TGM1: variants seen among roughly 807,000 people sequenced by gnomAD.
TGM1 encodes the protein protein-glutamine gamma-glutamyltransferase K.
Under a neutral mutation model 88.7 loss-of-function variants are expected in TGM1, and 63 were observed. The ratio of observed to expected loss-of-function variants is 0.71; its 90% CI spans 0.58 to 0.88. The LOEUF (loss-of-function observed/expected upper bound fraction) is 0.88, where lower values mean the gene tolerates loss of function less well. Among genes scored for constraint, TGM1 ranks in the 40% least tolerant of loss-of-function variants. The pLI is 0.00. For synonymous variants in TGM1, 415 were observed against 431.1 expected (o/e 0.96, Z 0.46); for missense variants, 996 against 1,118.0 (o/e 0.89, Z 1.56).
intron 9 of TGM1, among the ~76,000 whole-genome samples, chr14:24,257,495 G>A (rs1468808285): frequency 6.6e-6 from 1 of 152,206 alleles, no homozygotes; most frequent in Non-Finnish European, 1.5e-5. Context: ...GAACCTATCT[G>A]AGCCCTGATT....
At chr14:24,254,125 AG>A (rs1397488874) in intron 14 of TGM1, 26 bp downstream of exon 14, 8 of 1,601,072 alleles carry the variant, frequency 5.0e-6, no homozygotes, top group African/African-American at 1.3e-5. Flanking sequence ...GAGTGGAAGC[AG>A]GGGTAGGGGG....
chr14:24,260,176 C>A, intron 4 of TGM1, 118 bp from the exon 5 acceptor site: 1 of 1,029,268 alleles, frequency 9.7e-7, no homozygotes, highest in Non-Finnish European at 1.5e-6. Flanking sequence ...ATGCCCCTAG[C>A]CTGACAGGAC....
chr14:24,260,814 G>A (rs879564403), intron 3 of TGM1, 116 bp from the exon 4 acceptor site: 13 of 1,382,170 alleles, frequency 9.4e-6, no homozygotes, highest in East Asian at 4.8e-5. Context: ...ATGTCCCTAC[G>A]TTGGGCCATC....
intron 1 of TGM1, 113 bp from the exon 2 acceptor site, chr14:24,262,467 A>T: frequency 8.6e-7 from 1 of 1,158,618 alleles, no homozygotes; most frequent in Non-Finnish European, 1.2e-6. Context: ...AAACAATCCC[A>T]CCTTGGCCCA....
Position 24,259,721 on chromosome 14 carries a change from G to C in TGM1, c.967C>G (p.Arg323Gly). 3 of 1,611,226 alleles carry C rather than the reference G, an allele frequency of 1.9e-6. No homozygotes were observed. The highest frequency in any genetic ancestry group is 2.5e-6 in the Non-Finnish European group (3 of 1,178,956). Residue 323 changes from arginine (R) to glycine (G), a missense_variant, in exon 6 of 15, where the codon CGG becomes GGG. Arg to Gly is a moderately radical substitution (Grantham distance 125, BLOSUM62 -2). Coordinates refer to ENST00000206765, the MANE Select transcript of TGM1 (RefSeq NM_000359.3). This position sits in a 1 kb window ranked among gnomAD's most constrained non-coding sequence, Gnocchi z 5.7. ...GGRGDPVNVS[R>G]VISAMVNSLD... ...GTGCTCACCATGGCAGAGATGACCCGGGAGACATTGACTGGGTCTCCACGG... is the reference window on the plus strand; with the variant it reads ...GTGCTCACCATGGCAGAGATGACCCCGGAGACATTGACTGGGTCTCCACGG...
rs2040808876 is a variant in TGM1, at chr14:24,261,611, G to A, written c.508+84C>T. The A allele has an allele frequency of 2.8e-5, 43 of 1,528,430 alleles. 1 individual carries two copies. In the South Asian group the frequency reaches 4.6e-4, roughly 16 times the overall value. 94.7% of individuals were successfully genotyped at this position (1,528,430 alleles called of 1,614,324 possible). ...GAGGTGAGGAGTGGGGCAGGGAGGA[G>A]CCTAAAGACCTCTCTGACCCTAATG... is the stretch of plus-strand genomic sequence containing the variant. On this transcript the variant is annotated intron_variant, in intron 3 of 14. Coordinates refer to ENST00000206765, the MANE Select transcript of TGM1 (RefSeq NM_000359.3).
intron 14 of TGM1, among the ~76,000 whole-genome samples, chr14:24,252,615 C>T (rs2040711420): frequency 6.6e-6 from 1 of 152,232 alleles, no homozygotes; most frequent in South Asian, 2.1e-4. Flanking sequence ...TGTGACACAT[C>T]ATAGCATTCC....
chr14:24,260,003 C>T lies in TGM1; in HGVS notation c.813G>A (p.Glu271=). 6.2e-7 allele frequency: 1 copy of T among 1,614,218 alleles called. No homozygotes were observed. Among genetic ancestry groups the T allele is most frequent in the Non-Finnish European group, 8.5e-7 (1 of 1,180,050 alleles). ...CGGTCCCGTAGTAAATTCTCCCAGA[C>T]TCATTAAGAACATACTCCTGCCGCC... ...EDWRQEYVLN[E]SGRIYYGTEA... is the part of the protein sequence containing the mutation. The change falls in exon 5 of 15, where the codon GAG becomes GAA. Residue 271 remains glutamate, a synonymous_variant. Transcript: ENST00000206765.
In TGM1 at chr14:24,255,500, C is replaced by T. The variant is rs964446215; in HGVS notation, c.1509G>A (p.Val503=). 27 of 1,613,528 alleles carry T rather than the reference C, an allele frequency of 1.7e-5. No homozygotes were observed. The highest frequency in any genetic ancestry group is 2.1e-5 in the Non-Finnish European group (25 of 1,180,038). Reference sequence around the variant, plus strand: ...TGCCATCATCCTGCCGCTGCCAGTACACCTTGTCACTATTCACCTGTGGGG... The same window carrying T: ...TGCCATCATCCTGCCGCTGCCAGTATACCTTGTCACTATTCACCTGTGGGG... ...FIFAEVNSDK[V]YWQRQDDGSF... Residue 503 remains valine (V), a synonymous_variant, in exon 11 of 15, where the codon GTG becomes GTA. Coordinates refer to ENST00000206765, the MANE Select transcript of TGM1 (RefSeq NM_000359.3). The surrounding 1 kb of genome is among the most constrained non-coding windows in gnomAD (Gnocchi z 4.0).
chr14:24,260,719 T>A, intron 3 of TGM1, 21 bp from the exon 4 acceptor site: 1 of 1,613,996 alleles, frequency 6.2e-7, no homozygotes, highest in Middle Eastern at 1.6e-4. Flanking sequence ...AAATCAGCAA[T>A]TAGCTGGCAA....
chr14:24,259,644 G>T lies in TGM1; in HGVS notation c.984+60C>A. 1 of 1,382,984 alleles carries T rather than the reference G, an allele frequency of 7.2e-7. No homozygotes were observed. Among genetic ancestry groups the T allele is most frequent in the Non-Finnish European group, 1.0e-6 (1 of 989,436 alleles). The allele number at this position is 1,382,984 out of a possible 1,614,324, so 85.7% of individuals were successfully genotyped here. Reference sequence around the variant, plus strand: ...ATCCAGAAAGGGCAGGAGGAGGGTGGGGGTGTGGCGAGGCAGCAGGCACAC... The same window carrying T: ...ATCCAGAAAGGGCAGGAGGAGGGTGTGGGTGTGGCGAGGCAGCAGGCACAC... On this transcript the variant is annotated intron_variant, in intron 6 of 14. Coordinates refer to ENST00000206765, the MANE Select transcript of TGM1 (RefSeq NM_000359.3). This position sits in a 1 kb window ranked among gnomAD's most constrained non-coding sequence, Gnocchi z 5.7.
intron 14 of TGM1, 146 bp downstream of exon 14, chr14:24,254,006 A>G: frequency 9.2e-7 from 1 of 1,092,528 alleles, no homozygotes. Flanking sequence ...CTGGGCCGGG[A>G]GGTATTGCTA....
intron 7 of TGM1, 123 bp downstream of exon 7, chr14:24,258,952 C>T: frequency 1.7e-6 from 2 of 1,153,374 alleles, no homozygotes; most frequent in South Asian, 2.6e-5. Context: ...TTAAGGCCAG[C>T]CTATTACCCA....
Position 24,259,823 on chromosome 14 carries a change from G to A in TGM1, c.877-12C>T, listed in dbSNP as rs2040791955. 1.2e-6 allele frequency: 2 copies of A among 1,612,572 alleles called. No individual in the cohort carries two copies. On this transcript the variant is annotated splice_polypyrimidine_tract_variant and intron_variant, in intron 5 of 14. Coordinates refer to ENST00000206765, the MANE Select transcript of TGM1 (RefSeq NM_000359.3). The surrounding 1 kb of genome is among the most constrained non-coding windows in gnomAD (Gnocchi z 5.7). ...ACCCCGTGGTCAAACTGGAAGGAGG[G>A]ATGGAGGGCAGAGGTGACAGCCTGA...
At chr14:24,252,784 C>A (rs927684074) in intron 14 of TGM1, among the ~76,000 whole-genome samples, 3 of 152,212 alleles carry the variant, frequency 2.0e-5, no homozygotes, top group Admixed American at 1.3e-4. Context: ...TTCCCCACCC[C>A]AAGCCATTGT....
chr14:24,254,348 G>A (rs548391940), intron 13 of TGM1, 60 bp from the exon 14 acceptor site: 45 of 1,611,534 alleles, frequency 2.8e-5, no homozygotes, highest in Middle Eastern at 1.7e-4. Flanking sequence ...CACGGGGACC[G>A]TACACTGCAC....
chr14:24,255,652 C>A lies in TGM1; in HGVS notation c.1492-135G>T. On this transcript the variant is annotated intron_variant, in intron 10 of 14. Transcript: ENST00000206765. This position sits in a 1 kb window ranked among gnomAD's most constrained non-coding sequence, Gnocchi z 4.0. The stretch of plus-strand genomic sequence containing the variant: ...CAAGGGTGGGAGCTTCCTGGCAGAG[C>A]CCAAGGGGAGACTTTCCAAGACGAG... 1 of 1,225,286 alleles carries A rather than the reference C, an allele frequency of 8.2e-7. No individual in the cohort carries two copies. The highest frequency in any genetic ancestry group is 1.5e-5 in the African/African-American group (1 of 67,428). 75.9% of individuals were successfully genotyped at this position (1,225,286 alleles called of 1,614,324 possible).
At chr14:24,253,998 G>T in intron 14 of TGM1, 154 bp downstream of exon 14, 1 of 1,023,622 alleles carries the variant, frequency 9.8e-7, no homozygotes, top group Non-Finnish European at 1.5e-6. Context: ...GGACTGAGCT[G>T]GGCCGGGAGG....
rs2040794617 is a variant in TGM1 at position 24,260,014 on chromosome 14, C to T, written c.802G>A (p.Val268Ile). ...TAAATTCTCCCAGACTCATTAAGAACATACTCCTGCCGCCAATCCTCATGG... is the reference window on the plus strand; with the variant it reads ...TAAATTCTCCCAGACTCATTAAGAATATACTCCTGCCGCCAATCCTCATGG... ...VDHEDWRQEY[V>I]LNESGRIYYG... The change falls in exon 5 of 15, where the codon GTT becomes ATT. Residue 268 changes from valine to isoleucine, a missense_variant. Val to Ile is a conservative substitution (Grantham distance 29, BLOSUM62 3). Transcript: ENST00000206765. 1.2e-6 allele frequency: 2 copies of T among 1,614,214 alleles called. No homozygotes were observed. The highest frequency in any genetic ancestry group is 1.7e-6 in the Non-Finnish European group (2 of 1,180,040).
Sources: gnomAD v4.1 joint callset for allele counts (sites outside exome capture counted in the v4.1 genomes callset) on GRCh38, gnomAD v4.1.1 for gene constraint, Gnocchi (gnomAD v3.1) non-coding constraint, MANE v1.5 for transcripts, NCBI Gene and HGNC (gene_info 2026-07-23, HGNC 2026-07-21) for gene names.